ATP13A1: variants seen among roughly 807,000 people sequenced by gnomAD.
ATP13A1 encodes ATPase 13A1.
A neutral mutation model predicts 134.8 loss-of-function variants in ATP13A1; 55 were observed. That is an observed-to-expected ratio of 0.41 (90% CI 0.33 to 0.51). ATP13A1 has a LOEUF of 0.51. Among genes scored for constraint, ATP13A1 ranks in the 20% least tolerant of loss-of-function variants. The probability of loss-of-function intolerance (pLI) is 0.29; values close to 1 mark genes in which losing one functional copy is unlikely to be tolerated. For missense variants in ATP13A1, 1,389 were observed against 1,652.8 expected (o/e 0.84, Z 2.77); for synonymous variants, 775 against 725.1 (o/e 1.07, Z -1.10).
In ATP13A1 at chr19:19,656,325, T is replaced by TCCTCAC; in HGVS notation, c.1084-148_1084-143dup. Reference sequence around the variant, plus strand: ...CAATACATCCCACCCAGCTCCCAGATCCTCACCCTCACCCCGTCCTGTCTT... The same window carrying TCCTCAC: ...CAATACATCCCACCCAGCTCCCAGATCCTCACCCTCACCCTCACCCCGTCCTGTCTT... On this transcript the variant is annotated intron_variant, in intron 7 of 25. Transcript: ENST00000357324. This position sits in a 1 kb window ranked among gnomAD's most constrained non-coding sequence, Gnocchi z 4.6. The TCCTCAC allele has an allele frequency of 5.0e-6, 6 of 1,197,106 alleles. No homozygotes were observed. Among genetic ancestry groups the TCCTCAC allele is most frequent in the Non-Finnish European group, 2.3e-6 (2 of 864,304 alleles). 74.2% of individuals were successfully genotyped at this position (1,197,106 alleles called of 1,614,324 possible).
At chr19:19,661,534 C>A (rs1279052281) in intron 1 of ATP13A1, among the ~76,000 whole-genome samples, 1 of 152,216 alleles carries the variant, frequency 6.6e-6, no homozygotes, top group Non-Finnish European at 1.5e-5. Flanking sequence ...ATGTCCCATC[C>A]TGTCCTGATG....
intron 22 of ATP13A1, chr19:19,646,743 C>A (rs1363653424): frequency 2.6e-6 from 1 of 378,040 alleles, no homozygotes; most frequent in Admixed American, 4.1e-5. Flanking sequence ...TGGCCGCTGG[C>A]CCCCCTGGTT....
intron 1 of ATP13A1, 146 bp downstream of exon 1, chr19:19,663,125 C>G (rs749095472): frequency 6.6e-6 from 8 of 1,217,792 alleles, no homozygotes; most frequent in Non-Finnish European, 9.5e-6. Flanking sequence ...ATTAAGCCTG[C>G]GCCAAAGTGT....
chr19:19,646,629 C>A (rs903704852), intron 22 of ATP13A1: 1 of 515,514 alleles, frequency 1.9e-6, no homozygotes, highest in Non-Finnish European at 3.5e-6. Flanking sequence ...CCCTGGAGCC[C>A]ACGGGACAGG....
Position 19,647,071 on chromosome 19 carries a change from T to G in ATP13A1, c.3105+58A>C. The G allele has an allele frequency of 6.5e-7, 1 of 1,529,588 alleles. No homozygotes were observed. Among genetic ancestry groups the G allele is most frequent in the South Asian group, 1.2e-5 (1 of 80,856 alleles). The allele number at this position is 1,529,588 out of a possible 1,614,324, so 94.8% of individuals were successfully genotyped here. A position where few individuals can be genotyped will look rare whatever the true frequency, so the allele number is the denominator to read the frequency against. On this transcript the variant is annotated intron_variant, in intron 22 of 25. Transcript: ENST00000357324. The surrounding 1 kb of genome is among the most constrained non-coding windows in gnomAD (Gnocchi z 4.8). ...GGGGATGACAATTCCCGTGCCTATATCAGCCTGGCCCTGGCAGGCCCATGC... is the reference window on the plus strand; with the variant it reads ...GGGGATGACAATTCCCGTGCCTATAGCAGCCTGGCCCTGGCAGGCCCATGC...
In ATP13A1 at chr19:19,645,509, G is replaced by C. The variant is rs201101592; in HGVS notation, c.3528C>G (p.Val1176=). The C allele has an allele frequency of 5.0e-6, 8 of 1,605,376 alleles. No individual in the cohort carries two copies. The highest frequency in any genetic ancestry group is 1.7e-4 in the Middle Eastern group (1 of 6,040). Residue 1176 remains valine (V), a synonymous_variant, in exon 26 of 26, where the codon GTC becomes GTG. Coordinates refer to ENST00000357324, the MANE Select transcript of ATP13A1 (RefSeq NM_020410.3). The surrounding 1 kb of genome is among the most constrained non-coding windows in gnomAD (Gnocchi z 4.1). ...GCGCCAGGCAGAAGTCCAGGAGCAG[G>C]ACCTGGGCAATGACCAGCTTGAACT... is the stretch of plus-strand genomic sequence containing the variant. ...PVEFKLVIAQ[V]LLLDFCLALL...
intron 22 of ATP13A1, chr19:19,646,755 T>C: frequency 2.6e-6 from 1 of 377,872 alleles, no homozygotes; most frequent in Non-Finnish European, 4.9e-6. Context: ...CCCCTGGTTC[T>C]TTACGCCTTG....
chr19:19,646,972 C>T (rs1419067299), intron 22 of ATP13A1, 157 bp downstream of exon 22: 6 of 831,834 alleles, frequency 7.2e-6, no homozygotes, highest in African/African-American at 3.4e-5. Flanking sequence ...CCTCAGTCCA[C>T]ACCTGCCCTG....
Position 19,655,864 on chromosome 19 carries a change from A to G in ATP13A1, c.1269+14T>C. On this transcript the variant is annotated intron_variant, in intron 9 of 25. Transcript: ENST00000357324. This position sits in a 1 kb window ranked among gnomAD's most constrained non-coding sequence, Gnocchi z 5.7. ...CTGCCCTGGGGCCCGCCCTCCCCAG[A>G]CCTGGCCCCGCACCTGGGATGTGTT... 1.9e-6 allele frequency: 3 copies of G among 1,574,446 alleles called. No individual in the cohort carries two copies. Among genetic ancestry groups the G allele is most frequent in the South Asian group, 1.2e-5 (1 of 86,758 alleles).
chr19:19,658,469 AGG>A (rs1266731384), intron 3 of ATP13A1, among the ~76,000 whole-genome samples: 2 of 152,210 alleles, frequency 1.3e-5, no homozygotes, highest in Non-Finnish European at 2.9e-5. Context: ...ACCTTGGGGT[AGG>A]GGAAGTTGCT....
In ATP13A1 at chr19:19,653,741, G is replaced by A. The variant is rs1187117550; in HGVS notation, c.2100+43C>T. 2.2e-5 allele frequency: 33 copies of A among 1,489,058 alleles called. No homozygotes were observed. The highest frequency in any genetic ancestry group is 7.4e-5 in the East Asian group (3 of 40,572). The allele number at this position is 1,489,058 out of a possible 1,614,324, so 92.2% of individuals were successfully genotyped here. A position where few individuals can be genotyped will look rare whatever the true frequency, so the allele number is the denominator to read the frequency against. ...GGAGGTGACTCAGGGAGGAGCTGAC[G>A]GGCCAGGCACATGGTGAAGGCAGGG... On this transcript the variant is annotated intron_variant, in intron 15 of 25. Coordinates refer to ENST00000357324, the MANE Select transcript of ATP13A1 (RefSeq NM_020410.3). The surrounding 1 kb of genome is among the most constrained non-coding windows in gnomAD (Gnocchi z 4.2).
At chr19:19,650,223 C>T (rs541679288) in intron 17 of ATP13A1, 1 of 539,290 alleles carries the variant, frequency 1.9e-6, no homozygotes, top group Non-Finnish European at 3.3e-6. Context: ...GCCATGCCCC[C>T]ACCTCATGCA....
rs530672136 is a variant in ATP13A1 at position 19,662,808 on chromosome 19, A to G, written c.396+463T>C. ...AGCACTGGACAGCAAGACTTGGTTCAGTCTAAGAACCAACTAAGCTTCATA... is the reference window on the plus strand; with the variant it reads ...AGCACTGGACAGCAAGACTTGGTTCGGTCTAAGAACCAACTAAGCTTCATA... On this transcript the variant is annotated intron_variant, in intron 1 of 25. Transcript: ENST00000357324. Among the ~76,000 whole-genome samples the G allele has an allele frequency of 3.3e-5, 5 of 152,330 alleles. No homozygotes were observed. The South Asian group carries it at 1.0e-3, about 32-fold the overall frequency.
At chr19:19,657,501 C>A in intron 3 of ATP13A1, 93 bp from the exon 4 acceptor site, 1 of 1,290,862 alleles carries the variant, frequency 7.7e-7, no homozygotes, top group Non-Finnish European at 1.0e-6. Context: ...CATGGCAGGC[C>A]GCTCTCAAGA....
chr19:19,645,934 G>A lies in ATP13A1; in HGVS notation c.3300C>T (p.Asn1100=), dbSNP rs537681771. ...CCATGGCCATGATGTAGACGGTGCT[G>A]TTGACCAGGCTTGGCTCAAACTCCT... ...LYKEFEPSLV[N]STVYIMAMAM... is the part of the protein sequence containing the mutation. Residue 1100 remains asparagine (N), a synonymous_variant, in exon 24 of 26, where the codon AAC becomes AAT. Coordinates refer to ENST00000357324, the MANE Select transcript of ATP13A1 (RefSeq NM_020410.3). This position sits in a 1 kb window ranked among gnomAD's most constrained non-coding sequence, Gnocchi z 4.1. The A allele has an allele frequency of 7.3e-5, 117 of 1,613,714 alleles. No individual in the cohort carries two copies. The East Asian group carries it at 2.0e-3, about 28-fold the overall frequency.
chr19:19,663,631 G>C lies in ATP13A1; in HGVS notation c.36C>G (p.Pro12=). ...GGACCCCGCAAGGCCGGGCCCCGCA[G>C]GGCACCGCGTTGCCCACCGCCGCCG... ...AAAAAVGNAV[P]CGARPCGVRP... is the part of the protein sequence containing the mutation. The change falls in exon 1 of 26, where the codon CCC becomes CCG. Residue 12 remains proline (P), a synonymous_variant. Transcript: ENST00000357324. The C allele has an allele frequency of 3.7e-6, 5 of 1,339,066 alleles. No homozygotes were observed. The highest frequency in any genetic ancestry group is 4.8e-6 in the Non-Finnish European group (5 of 1,049,410). 82.9% of individuals were successfully genotyped at this position (1,339,066 alleles called of 1,614,324 possible).
chr19:19,663,080 C>T (rs1249407221), intron 1 of ATP13A1, 191 bp downstream of exon 1: 2 of 826,530 alleles, frequency 2.4e-6, no homozygotes, highest in South Asian at 1.5e-5. Context: ...ATAACCCGCA[C>T]CAGGCATGCA....
intron 4 of ATP13A1, 76 bp downstream of exon 4, chr19:19,657,260 G>A (rs991886917): frequency 8.6e-6 from 13 of 1,506,468 alleles, no homozygotes; most frequent in Non-Finnish European, 9.8e-6. Context: ...AGGTTTAGAA[G>A]TGGTGGGCAG....
At chr19:19,658,319 T>C (rs947859302) in intron 3 of ATP13A1, among the ~76,000 whole-genome samples, 9 of 152,022 alleles carry the variant, frequency 5.9e-5, no homozygotes, top group African/African-American at 2.2e-4. Flanking sequence ...GTATGGGATG[T>C]GAGAAGAGGA....
Sources: gnomAD v4.1 joint callset for allele counts (sites outside exome capture counted in the v4.1 genomes callset) on GRCh38, gnomAD v4.1.1 for gene constraint, Gnocchi (gnomAD v3.1) non-coding constraint, MANE v1.5 for transcripts, NCBI Gene and HGNC (gene_info 2026-07-23, HGNC 2026-07-21) for gene names.